INTS4: variants seen among roughly 807,000 people sequenced by gnomAD.
The protein encoded by INTS4 is MSTP093.
In INTS4, 70 loss-of-function variants were observed where a neutral mutation model predicts 119.5. The observed-to-expected ratio is 0.59, with a 90% CI of 0.48 to 0.71. The LOEUF is 0.71. Ranked by LOEUF, INTS4 falls within the 30% of genes least tolerant of loss-of-function variation. INTS4 has a pLI of 0.00. For missense variants in INTS4, 867 were observed against 1,173.2 expected (o/e 0.74, Z 3.81); for synonymous variants, 316 against 419.6 (o/e 0.75, Z 3.02).
chr11:77,879,024 T>C lies in INTS4; in HGVS notation c.2817A>G (p.Glu939=), dbSNP rs747665040. The change falls in exon 23 of 23, where the codon GAA becomes GAG. Residue 939 remains glutamate, a synonymous_variant. Transcript: ENST00000534064. ...MEGGEMSPQV[E]TSIEGTIPFS... is the part of the protein sequence containing the mutation. The stretch of plus-strand genomic sequence containing the variant: ...AGGGAATGGTGCCCTCGATGCTGGT[T>C]TCCACCTGTGGTGACATCTCACCAC... The C allele has an allele frequency of 7.4e-6, 12 of 1,614,178 alleles. No homozygotes were observed. The South Asian group carries it at 1.2e-4, about 16-fold the overall frequency.
At chr11:77,927,284 A>G (rs900713956) in intron 11 of INTS4, among the ~76,000 whole-genome samples, 9 of 152,226 alleles carry the variant, frequency 5.9e-5, no homozygotes, top group Admixed American at 3.9e-4. Flanking sequence ...GAAAAAATAC[A>G]TGAAAAAATT....
intron 8 of INTS4, among the ~76,000 whole-genome samples, chr11:77,950,933 T>G (rs983167078): frequency 2.9e-4 from 41 of 141,260 alleles, no homozygotes; most frequent in African/African-American, 1.1e-3. Context: ...CCATGTGTTC[T>G]CATTGTTCAA....
At chr11:77,883,139 A>C (rs925681400) in intron 22 of INTS4, among the ~76,000 whole-genome samples, 3 of 152,086 alleles carry the variant, frequency 2.0e-5, no homozygotes, top group African/African-American at 7.2e-5. Context: ...GAGTGAAAGA[A>C]AATTCCAAAA....
At chr11:77,919,389 C>A (rs758536804) in intron 14 of INTS4, among the ~76,000 whole-genome samples, 4 of 151,928 alleles carry the variant, frequency 2.6e-5, no homozygotes, top group Non-Finnish European at 4.4e-5. Flanking sequence ...CAGGTTCAAG[C>A]GATTCTCTTG....
intron 2 of INTS4, among the ~76,000 whole-genome samples, chr11:77,990,833 C>T (rs1289131589): frequency 2.0e-5 from 3 of 152,156 alleles, no homozygotes; most frequent in Non-Finnish European, 4.4e-5. Context: ...TTTTGTGCTT[C>T]CACTGTACTC....
At chr11:77,960,239 ACTAG>A in intron 6 of INTS4, 98 bp downstream of exon 6, 2 of 747,734 alleles carry the variant, frequency 2.7e-6, no homozygotes, top group Non-Finnish European at 4.7e-6. Context: ...GCCACTATTA[ACTAG>A]CGAAGTCCTT....
intron 7 of INTS4, among the ~76,000 whole-genome samples, chr11:77,957,365 A>C (rs1180086187): frequency 6.6e-6 from 1 of 152,014 alleles, no homozygotes; most frequent in Non-Finnish European, 1.5e-5. Context: ...CCTACCCAAC[A>C]TGGCAAAACC....
intron 14 of INTS4, 91 bp from the exon 15 acceptor site, chr11:77,919,069 G>C: frequency 7.3e-7 from 1 of 1,366,566 alleles, no homozygotes; most frequent in Non-Finnish European, 1.0e-6. Context: ...TTAAAAACGT[G>C]AGCTAAACAA....
intron 2 of INTS4, among the ~76,000 whole-genome samples, chr11:77,986,459 C>T (rs1217437561): frequency 1.3e-5 from 2 of 152,122 alleles, no homozygotes; most frequent in African/African-American, 4.8e-5. Context: ...ACTAGAAATA[C>T]CATTTGACCC....
rs888620759 is a variant in INTS4, at chr11:77,915,603, C to A, written c.1922+3218G>T. Reference sequence around the variant, plus strand: ...TTATTGGATTACTAGAGTATCAGACCACCCATTTATCTCTCAGTTCCTCAC... The same window carrying A: ...TTATTGGATTACTAGAGTATCAGACAACCCATTTATCTCTCAGTTCCTCAC... On this transcript the variant is annotated intron_variant, in intron 15 of 22. Transcript: ENST00000534064. Among the ~76,000 whole-genome samples the A allele has an allele frequency of 5.0e-4, 76 of 152,118 alleles. 1 individual carries two copies. The highest frequency in any genetic ancestry group is 1.8e-4 in the Non-Finnish European group (12 of 68,020).
chr11:77,975,955 C>CAA (rs34102366), intron 4 of INTS4, among the ~76,000 whole-genome samples: 5 of 138,678 alleles, frequency 3.6e-5, no homozygotes, highest in Admixed American at 7.3e-5. Context: ...GACTCTATCT[C>CAA]AAAAAAAAAA....
chr11:77,984,558 G>C (rs966311965), intron 2 of INTS4, among the ~76,000 whole-genome samples: 3 of 151,580 alleles, frequency 2.0e-5, no homozygotes, highest in African/African-American at 7.3e-5. Flanking sequence ...GGTGATGGAG[G>C]ATTACTGTTT....
intron 9 of INTS4, among the ~76,000 whole-genome samples, chr11:77,939,651 A>G (rs1009889803): frequency 2.6e-5 from 4 of 151,920 alleles, no homozygotes; most frequent in African/African-American, 7.3e-5. Flanking sequence ...TCCGTTTTAT[A>G]TATCAGCCTC....
At chr11:77,895,714 A>T (rs1365617087) in intron 18 of INTS4, among the ~76,000 whole-genome samples, 1 of 152,060 alleles carries the variant, frequency 6.6e-6, no homozygotes, top group Non-Finnish European at 1.5e-5. Context: ...CCAAGCAGTG[A>T]CATTTCCTCA....
At chr11:77,936,168 T>C (rs1418940402) in intron 10 of INTS4, among the ~76,000 whole-genome samples, 3 of 113,978 alleles carry the variant, frequency 2.6e-5, no homozygotes, top group Non-Finnish European at 3.7e-5. Context: ...ATGGAATATA[T>C]ACAGGATGGA....
intron 22 of INTS4, among the ~76,000 whole-genome samples, chr11:77,881,566 A>T (rs1951792257): frequency 6.6e-6 from 1 of 152,252 alleles, no homozygotes; most frequent in African/African-American, 2.4e-5. Flanking sequence ...CTGTAAAATG[A>T]AAAGAGAATA....
intron 4 of INTS4, among the ~76,000 whole-genome samples, chr11:77,969,412 G>A (rs61226220): frequency 0.14 from 20,697 of 150,900 alleles, 1,596 homozygotes; most frequent in East Asian, 0.26. Flanking sequence ...ACAGGGCCTC[G>A]CTCTGTCGCC....
intron 15 of INTS4, among the ~76,000 whole-genome samples, chr11:77,908,306 G>T (rs867171353): frequency 6.6e-6 from 1 of 150,794 alleles, no homozygotes; most frequent in Non-Finnish European, 1.5e-5. Flanking sequence ...GTATACACGC[G>T]TCATGATGGT....
chr11:77,975,126 A>G (rs917312125), intron 4 of INTS4, among the ~76,000 whole-genome samples: 2 of 151,324 alleles, frequency 1.3e-5, no homozygotes, highest in Non-Finnish European at 2.9e-5. Context: ...CTTCCTTCAC[A>G]TGCTTTAAGT....
Sources: gnomAD v4.1 joint callset for allele counts (sites outside exome capture counted in the v4.1 genomes callset) on GRCh38, gnomAD v4.1.1 for gene constraint, MANE v1.5 for transcripts, NCBI Gene and HGNC (gene_info 2026-07-23, HGNC 2026-07-21) for gene names.